The following CELF2 variants were observed in gnomAD, a reference collection of about 807,000 sequenced individuals.
CELF2 encodes the protein CUGBP Elav-like family member 2.
In CELF2, 8 loss-of-function variants were observed where a neutral mutation model predicts 62.6. The ratio of observed to expected loss-of-function variants is 0.13; its 90% confidence interval spans 0.07 to 0.23. CELF2 has a LOEUF of 0.23. Among genes scored for constraint, CELF2 ranks in the 10% least tolerant of loss-of-function variants. The pLI is 1.00. For missense variants in CELF2, 333 were observed against 671.0 expected, an observed-to-expected ratio of 0.50 and a Z score of 5.56; for synonymous variants, 258 against 250.0, an observed-to-expected ratio of 1.03 and a Z score of -0.30.
the CELF2 span, among the ~76,000 whole-genome samples, chr10:10,641,695 C>G: frequency 6.6e-6 from 1 of 152,088 alleles, no homozygotes; most frequent in Non-Finnish European, 1.5e-5. Flanking sequence ...GCAATCTGCC[C>G]GCCTCGGCCT....
intron 1 of CELF2, among the ~76,000 whole-genome samples, chr10:10,842,144 A>G (rs776435334): frequency 1.3e-5 from 2 of 152,054 alleles, no homozygotes; most frequent in African/African-American, 2.4e-5. Flanking sequence ...TTGACCTTGT[A>G]TCTTGTAATC....
the CELF2 span, among the ~76,000 whole-genome samples, chr10:10,555,749 C>T: frequency 6.6e-6 from 1 of 152,162 alleles, no homozygotes; most frequent in South Asian, 2.1e-4. Flanking sequence ...CATGCACTCA[C>T]ACTCACAAAC....
the CELF2 span, among the ~76,000 whole-genome samples, chr10:10,644,737 G>C: frequency 9.4e-4 from 143 of 152,280 alleles, 1 homozygote; most frequent in African/African-American, 3.4e-3. Flanking sequence ...AGCCCCACTA[G>C]TGTCTAAAGT....
Position 11,333,551 on chromosome 10 carries a change from AT to A in CELF2, c.*4499del, listed in dbSNP as rs1299524233. 1 of 152,298 alleles carries A rather than the reference AT, an allele frequency of 6.6e-6. No individual in the cohort carries two copies. Among genetic ancestry groups the A allele is most frequent in the East Asian group, 1.9e-4 (1 of 5,196 alleles). 9.4% of individuals were successfully genotyped at this position (152,298 alleles called of 1,614,324 possible). ...ATCTTAAGTGCTAATTAAAAAAAAA[AT>A]AAAATTTTAAAAAAACCTGTAGTTT... On this transcript the variant is annotated 3_prime_UTR_variant, in exon 13 of 13. Coordinates refer to ENST00000633077, the MANE Select transcript of CELF2 (RefSeq NM_001326342.2).
chr10:10,679,760 T>C, the CELF2 span, among the ~76,000 whole-genome samples: 18 of 152,348 alleles, frequency 1.2e-4, no homozygotes, highest in African/African-American at 4.3e-4. Flanking sequence ...ATGTATTCAG[T>C]AGATACATGG....
intron 2 of CELF2, among the ~76,000 whole-genome samples, chr10:10,979,007 T>G (rs1198013106): frequency 6.6e-6 from 1 of 152,216 alleles, no homozygotes; most frequent in African/African-American, 2.4e-5. Context: ...TCTAAAATCC[T>G]GAAAAGTGTT....
chr10:11,145,233 C>T lies in CELF2; in HGVS notation c.75-20253C>T, dbSNP rs80297721. ...AGAACAGAACAAATGTAAAACACTG[C>T]TGCTGCTCAAGGTTTGTAATTGCTC... On this transcript the variant is annotated intron_variant, in intron 1 of 12. Transcript: ENST00000633077. This position sits in a 1 kb window ranked among gnomAD's most constrained non-coding sequence, Gnocchi z 4.3. 0.055 allele frequency among the ~76,000 whole-genome samples: 8,395 copies of T among 152,286 alleles called. 271 individuals are homozygous for T. The highest frequency in any genetic ancestry group is 0.084 in the African/African-American group (3,497 of 41,542).
chr10:11,176,893 C>T (rs1309323910), intron 2 of CELF2, among the ~76,000 whole-genome samples: 2 of 152,136 alleles, frequency 1.3e-5, no homozygotes, highest in African/African-American at 4.8e-5. Flanking sequence ...GGTGGGTTAG[C>T]GTTAGAGTGG....
chr10:11,047,547 C>A (rs1281785506), intron 1 of CELF2, among the ~76,000 whole-genome samples: 1 of 152,124 alleles, frequency 6.6e-6, no homozygotes, highest in Non-Finnish European at 1.5e-5. Flanking sequence ...TTGGGAAGTA[C>A]TGTGTGAAAA....
the CELF2 span, among the ~76,000 whole-genome samples, chr10:10,525,440 C>A: frequency 6.6e-6 from 1 of 152,142 alleles, no homozygotes; most frequent in South Asian, 2.1e-4. Context: ...TCTTCCAATG[C>A]ATCCCAGGGA....
At chr10:11,020,470 C>T (rs548349607) in intron 1 of CELF2, among the ~76,000 whole-genome samples, 2 of 152,132 alleles carry the variant, frequency 1.3e-5, no homozygotes, top group East Asian at 3.9e-4. Flanking sequence ...CTGAAATCCG[C>T]CTAAGTTGTA....
At chr10:10,550,484 A>G in the CELF2 span, among the ~76,000 whole-genome samples, 3 of 152,188 alleles carry the variant, frequency 2.0e-5, no homozygotes, top group Non-Finnish European at 4.4e-5. Flanking sequence ...GATAAGCTTT[A>G]CTGCAAGTTG....
intron 4 of CELF2, among the ~76,000 whole-genome samples, chr10:11,250,645 G>A (rs2076862334): frequency 1.3e-5 from 2 of 152,348 alleles, no homozygotes; most frequent in South Asian, 4.1e-4. Flanking sequence ...AAGAGACTGT[G>A]TCTCTGACCT....
chr10:11,139,240 A>C (rs991225506), intron 1 of CELF2, among the ~76,000 whole-genome samples: 34 of 152,240 alleles, frequency 2.2e-4, no homozygotes, highest in African/African-American at 8.0e-4. Flanking sequence ...GAAGAAAACT[A>C]TCAGAATTTT....
At chr10:10,887,484 A>G (rs2061834734) in intron 1 of CELF2, among the ~76,000 whole-genome samples, 1 of 152,218 alleles carries the variant, frequency 6.6e-6, no homozygotes, top group African/African-American at 2.4e-5. Flanking sequence ...AATTGAATTG[A>G]CTAGGCCGCT....
At chr10:11,277,489 C>T (rs1252790221) in intron 8 of CELF2, among the ~76,000 whole-genome samples, 3 of 152,174 alleles carry the variant, frequency 2.0e-5, no homozygotes, top group Non-Finnish European at 1.5e-5. Context: ...AGCATGGCCC[C>T]GTGGCTGATA....
chr10:10,963,494 A>G (rs1329247366), intron 2 of CELF2, among the ~76,000 whole-genome samples: 1 of 152,188 alleles, frequency 6.6e-6, no homozygotes, highest in Non-Finnish European at 1.5e-5. Context: ...GAAATTTGTC[A>G]GAAGTGCATG....
the CELF2 span, among the ~76,000 whole-genome samples, chr10:10,608,005 T>C: frequency 6.6e-6 from 1 of 151,952 alleles, no homozygotes; most frequent in Non-Finnish European, 1.5e-5. Context: ...TGGGCATCTG[T>C]AATCCCAGCT....
chr10:11,321,549 G>A lies in CELF2; in HGVS notation c.1294+163G>A, dbSNP rs1164739223. On this transcript the variant is annotated intron_variant, in intron 11 of 12. Coordinates refer to ENST00000633077, the MANE Select transcript of CELF2 (RefSeq NM_001326342.2). The surrounding 1 kb of genome is among the most constrained non-coding windows in gnomAD (Gnocchi z 6.2). ...AAAAAAAAAACTGAAAGCTGGGCAT[G>A]GTGGCATACACCTGTAGTCGCAGTT... 1.3e-5 allele frequency among the ~76,000 whole-genome samples: 2 copies of A among 152,066 alleles called. No individual in the cohort carries two copies. The highest frequency in any genetic ancestry group is 2.9e-5 in the Non-Finnish European group (2 of 68,002).
Sources: gnomAD v4.1 joint callset for allele counts (sites outside exome capture counted in the v4.1 genomes callset) on GRCh38, gnomAD v4.1.1 for gene constraint, Gnocchi (gnomAD v3.1) non-coding constraint, MANE v1.5 for transcripts, NCBI Gene and HGNC (gene_info 2026-07-23, HGNC 2026-07-21) for gene names.